Variants in ZNF521 observed in about 807,000 individuals in gnomAD.
The protein encoded by ZNF521 is LYST-interacting protein 3.
Under a neutral mutation model 105.5 loss-of-function variants are expected in ZNF521, and 14 were observed. The observed-to-expected ratio is 0.13, with a 90% CI of 0.09 to 0.21. The LOEUF (loss-of-function observed/expected upper bound fraction) is 0.21. Ranked by LOEUF, ZNF521 falls within the 10% of genes least tolerant of loss-of-function variation. ZNF521 has a pLI of 1.00. For synonymous variants in ZNF521, 635 were observed against 606.0 expected (o/e 1.05, Z -0.70); for missense variants, 1,233 against 1,629.7 (o/e 0.76, Z 4.19).
chr18:25,260,588 T>C (rs746547770), intron 3 of ZNF521, among the ~76,000 whole-genome samples: 5 of 152,318 alleles, frequency 3.3e-5, no homozygotes, highest in Middle Eastern at 3.4e-3. Flanking sequence ...AAGTACTTAG[T>C]AAATTATTAT....
chr18:25,162,621 A>G (rs1486248005), intron 5 of ZNF521, among the ~76,000 whole-genome samples: 1 of 152,210 alleles, frequency 6.6e-6, no homozygotes, highest in Non-Finnish European at 1.5e-5. Flanking sequence ...ATCAGACCAG[A>G]CAGTCTGTTA....
At chr18:25,077,912 G>C (rs527743972) in intron 7 of ZNF521, among the ~76,000 whole-genome samples, 4 of 151,994 alleles carry the variant, frequency 2.6e-5, no homozygotes, top group Non-Finnish European at 5.9e-5. Flanking sequence ...AAATTCAACA[G>C]TGATGTAGTG....
intron 7 of ZNF521, among the ~76,000 whole-genome samples, chr18:25,089,078 C>T (rs1241794627): frequency 2.0e-5 from 3 of 152,156 alleles, no homozygotes; most frequent in Admixed American, 1.3e-4. Context: ...TTTTAAGCCC[C>T]TCAGGACAAC....
Position 25,122,912 on chromosome 18 carries a change from G to A in ZNF521, c.3659-30831C>T, listed in dbSNP as rs571115698. On this transcript the variant is annotated intron_variant, in intron 5 of 7. Transcript: ENST00000361524. ...ACATGAAACTTGGTCCAGTGTGGCA[G>A]TGGGGAAGGTGTAATTCACACGCAC... Among the ~76,000 whole-genome samples, 12 of 152,226 alleles carry A rather than the reference G, an allele frequency of 7.9e-5. No homozygotes were observed. The South Asian group carries it at 1.7e-3, about 21-fold the overall frequency.
At chr18:25,240,212 C>T (rs1157068807) in intron 3 of ZNF521, among the ~76,000 whole-genome samples, 1 of 152,138 alleles carries the variant, frequency 6.6e-6, no homozygotes, top group Non-Finnish European at 1.5e-5. Context: ...AACATCCCAT[C>T]TCCCCCATCA....
At chr18:25,123,249 C>A (rs546755157) in intron 5 of ZNF521, among the ~76,000 whole-genome samples, 25 of 151,834 alleles carry the variant, frequency 1.6e-4, no homozygotes, top group African/African-American at 5.3e-4. Context: ...CAGACCACAT[C>A]GTCAGGGAAC....
chr18:25,251,944 A>G (rs1410091413), intron 3 of ZNF521, among the ~76,000 whole-genome samples: 1 of 152,228 alleles, frequency 6.6e-6, no homozygotes, highest in Non-Finnish European at 1.5e-5. Flanking sequence ...ACTGATATTT[A>G]AAAATTAAAT....
intron 2 of ZNF521, among the ~76,000 whole-genome samples, chr18:25,322,941 A>G (rs1913017972): frequency 6.6e-6 from 1 of 152,296 alleles, no homozygotes; most frequent in Non-Finnish European, 1.5e-5. Context: ...TTCCATTTTC[A>G]CCCTAAAAAT....
intron 3 of ZNF521, among the ~76,000 whole-genome samples, chr18:25,267,834 A>G (rs1246162962): frequency 1.3e-5 from 2 of 152,186 alleles, no homozygotes; most frequent in South Asian, 2.1e-4. Flanking sequence ...GAAACAACAC[A>G]AAAAGCCTGA....
intron 3 of ZNF521, among the ~76,000 whole-genome samples, chr18:25,281,614 C>T (rs1042894712): frequency 2.0e-5 from 3 of 152,150 alleles, no homozygotes; most frequent in Non-Finnish European, 4.4e-5. Flanking sequence ...CTTAAGGGAA[C>T]CCTAAGAGAA....
intron 5 of ZNF521, among the ~76,000 whole-genome samples, chr18:25,140,424 CAGGAAATCTGT>C (rs2034825235): frequency 6.6e-6 from 1 of 152,168 alleles, no homozygotes; most frequent in Admixed American, 6.5e-5. Context: ...GCAATGACGG[CAGGAAATCTGT>C]CAGGGTAAGA....
At chr18:25,340,094 C>T (rs942992415) in intron 2 of ZNF521, among the ~76,000 whole-genome samples, 6 of 152,174 alleles carry the variant, frequency 3.9e-5, no homozygotes, top group African/African-American at 1.4e-4. Flanking sequence ...TGGTGGCTCA[C>T]GCCTGTGATC....
At chr18:25,083,931 ATTTTTTTTTT>A (rs56364504) in intron 7 of ZNF521, among the ~76,000 whole-genome samples, 31 of 57,898 alleles carry the variant, frequency 5.4e-4, no homozygotes, top group Admixed American at 1.4e-3. Context: ...AACCTGGGTA[ATTTTTTTTTT>A]TTTTTTTTTT....
intron 5 of ZNF521, among the ~76,000 whole-genome samples, chr18:25,096,531 T>G (rs899413575): frequency 6.6e-6 from 1 of 152,164 alleles, no homozygotes; most frequent in Non-Finnish European, 1.5e-5. Context: ...GAGAAACCCT[T>G]TAAGCAGCCT....
intron 5 of ZNF521, among the ~76,000 whole-genome samples, chr18:25,149,685 C>G (rs9967300): frequency 6.6e-6 from 1 of 151,900 alleles, no homozygotes; most frequent in Non-Finnish European, 1.5e-5. Flanking sequence ...TCTGTTGCAA[C>G]CTTTACTTCA....
At chr18:25,308,112 G>T (rs1263193712) in intron 3 of ZNF521, among the ~76,000 whole-genome samples, 1 of 141,400 alleles carries the variant, frequency 7.1e-6, no homozygotes, top group East Asian at 2.2e-4. Context: ...TGAGACAGGA[G>T]AATCACTTGA....
intron 3 of ZNF521, among the ~76,000 whole-genome samples, chr18:25,305,704 G>C (rs1020756712): frequency 2.6e-5 from 4 of 152,120 alleles, no homozygotes; most frequent in Non-Finnish European, 1.5e-5. Context: ...TAGAAGGGAA[G>C]AATTTTAAGA....
At chr18:25,088,250 C>G (rs1474154349) in intron 7 of ZNF521, among the ~76,000 whole-genome samples, 3 of 151,294 alleles carry the variant, frequency 2.0e-5, no homozygotes, top group African/African-American at 7.3e-5. Flanking sequence ...GAGTCTCGCT[C>G]TGTTGCCCAG....
chr18:25,263,757 C>T (rs7506714), intron 3 of ZNF521, among the ~76,000 whole-genome samples: 71,192 of 151,898 alleles, frequency 0.47, 18,505 homozygotes, highest in African/African-American at 0.71. Flanking sequence ...TTGTATTTTT[C>T]AGTAGAGACG....
Sources: allele counts gnomAD v4.1 joint callset (sites outside exome capture counted in the v4.1 genomes callset), GRCh38; gene constraint gnomAD v4.1.1; transcripts MANE v1.5; gene names NCBI Gene and HGNC (gene_info 2026-07-23, HGNC 2026-07-21).